PRKG1: variants seen among roughly 807,000 people sequenced by gnomAD.
The protein encoded by PRKG1 is protein kinase cGMP-dependent 1.
PRKG1 carries 35 observed loss-of-function variants against 88.1 expected under a neutral mutation model. The observed-to-expected ratio is 0.40, with a 90% CI of 0.30 to 0.53. The LOEUF is 0.53. Ranked by LOEUF, PRKG1 falls within the 20% of genes least tolerant of loss-of-function variation. PRKG1 has a pLI of 0.59. For missense variants in PRKG1, 540 were observed against 839.8 expected, an observed-to-expected ratio of 0.64 and a Z score of 4.41; for synonymous variants, 303 against 292.5, an observed-to-expected ratio of 1.04 and a Z score of -0.37.
At chr10:52,046,699 A>G (rs976210301) in intron 5 of PRKG1, 2 of 152,198 alleles carry the variant, frequency 1.3e-5, no homozygotes, top group African/African-American at 4.8e-5. Context: ...CTGTTTAATC[A>G]CAATGCTATG....
At chr10:51,950,345 A>G (rs1237031261) in intron 5 of PRKG1, among the ~76,000 whole-genome samples, 1 of 152,274 alleles carries the variant, frequency 6.6e-6, no homozygotes, top group Non-Finnish European at 1.5e-5. Context: ...ACTACAGATC[A>G]CCAAGTACAT....
At chr10:51,276,395 T>C (rs969797601) in intron 2 of PRKG1, among the ~76,000 whole-genome samples, 8 of 152,238 alleles carry the variant, frequency 5.3e-5, no homozygotes, top group Non-Finnish European at 1.0e-4. Flanking sequence ...TCCAAGTCTT[T>C]ACTATTGTGA....
At chr10:51,236,759 C>T (rs1839003884) in intron 2 of PRKG1, among the ~76,000 whole-genome samples, 3 of 152,148 alleles carry the variant, frequency 2.0e-5, no homozygotes, top group Admixed American at 2.0e-4. Flanking sequence ...CCACCTCAGC[C>T]TCCCAAAGTG....
At chr10:51,620,108 T>C (rs556042651) in intron 3 of PRKG1, among the ~76,000 whole-genome samples, 1 of 152,264 alleles carries the variant, frequency 6.6e-6, no homozygotes, top group African/African-American at 2.4e-5. Context: ...CAAACACTAA[T>C]ATATTTAATT....
At chr10:51,429,237 A>C (rs924155184) in intron 2 of PRKG1, among the ~76,000 whole-genome samples, 1 of 152,236 alleles carries the variant, frequency 6.6e-6, no homozygotes, top group African/African-American at 2.4e-5. Context: ...GCCAAATTTT[A>C]AAATAAAAAT....
intron 2 of PRKG1, among the ~76,000 whole-genome samples, chr10:51,428,806 C>A (rs1175675583): frequency 6.6e-6 from 1 of 152,136 alleles, no homozygotes; most frequent in Non-Finnish European, 1.5e-5. Flanking sequence ...GGTGACAAAC[C>A]AACAGACTAG....
chr10:51,564,293 A>G (rs1837545452), intron 3 of PRKG1, among the ~76,000 whole-genome samples: 1 of 152,130 alleles, frequency 6.6e-6, no homozygotes, highest in African/African-American at 2.4e-5. Flanking sequence ...TTGATAAAAT[A>G]TATAAGGAGA....
At chr10:51,908,733 A>ATCTATCTATCTATCTATCTAT (rs60587885) in intron 5 of PRKG1, 50 of 131,714 alleles carry the variant, frequency 3.8e-4, no homozygotes, top group African/African-American at 1.3e-3. Flanking sequence ...ATCTATATGT[A>ATCTATCTATCTATCTATCTAT]ATTTTTTTTT....
intron 2 of PRKG1, among the ~76,000 whole-genome samples, chr10:51,163,244 C>G (rs1846414595): frequency 6.6e-6 from 1 of 152,146 alleles, no homozygotes; most frequent in African/African-American, 2.4e-5. Context: ...TGTAGTTGAA[C>G]AAGAACAGTT....
intron 3 of PRKG1, among the ~76,000 whole-genome samples, chr10:51,694,986 T>C (rs966644396): frequency 6.6e-6 from 1 of 152,158 alleles, no homozygotes; most frequent in East Asian, 1.9e-4. Flanking sequence ...TTGTTATAGC[T>C]CATTTGTTCT....
At chr10:51,521,176 A>G (rs1391103335) in intron 3 of PRKG1, among the ~76,000 whole-genome samples, 1 of 152,144 alleles carries the variant, frequency 6.6e-6, no homozygotes, top group East Asian at 1.9e-4. Flanking sequence ...AGTCCCAGCT[A>G]CTCAAGGAGG....
chr10:51,407,321 T>A (rs1249728198), intron 2 of PRKG1, among the ~76,000 whole-genome samples: 1 of 152,286 alleles, frequency 6.6e-6, no homozygotes, highest in East Asian at 1.9e-4. Context: ...ATTACACTTA[T>A]CATAAAACAA....
At chr10:52,208,327 C>T (rs1055171120) in intron 9 of PRKG1, among the ~76,000 whole-genome samples, 1 of 152,154 alleles carries the variant, frequency 6.6e-6, no homozygotes, top group Non-Finnish European at 1.5e-5. Context: ...TAACCATGGG[C>T]TATGAAACAT....
intron 2 of PRKG1, among the ~76,000 whole-genome samples, chr10:51,224,195 A>G (rs1187985531): frequency 6.6e-6 from 1 of 152,204 alleles, no homozygotes; most frequent in Non-Finnish European, 1.5e-5. Context: ...ACACACTGGA[A>G]AAGTTAACGT....
chr10:52,144,184 AC>A (rs1349646028), intron 8 of PRKG1, among the ~76,000 whole-genome samples: 2 of 152,118 alleles, frequency 1.3e-5, no homozygotes, highest in African/African-American at 2.4e-5. Context: ...ATTTAGAAAG[AC>A]CTTTGTACAG....
rs1842515039 is a variant in PRKG1, at chr10:51,549,116, TTTTC to T, written c.592+81284_592+81287del. Among the ~76,000 whole-genome samples the T allele has an allele frequency of 3.5e-5, 4 of 113,472 alleles. No individual in the cohort carries two copies. The Admixed American group carries it at 3.7e-4, about 11-fold the overall frequency. 74.4% of individuals were successfully genotyped at this position (113,472 alleles called of 152,430 possible). On this transcript the variant is annotated intron_variant, in intron 3 of 17. Coordinates refer to ENST00000373980, the MANE Select transcript of PRKG1 (RefSeq NM_006258.4). The stretch of plus-strand genomic sequence containing the variant: ...TTCCTTCTTTCCTTTCTTTCTTTTC[TTTTC>T]TTTTTTTTTTTTTTTTTTTTTGAGA...
intron 2 of PRKG1, among the ~76,000 whole-genome samples, chr10:51,456,829 G>GA (rs1839599606): frequency 6.6e-6 from 1 of 152,126 alleles, no homozygotes; most frequent in South Asian, 2.1e-4. Flanking sequence ...CAACAAACAT[G>GA]AAAAAATGCT....
In PRKG1 at chr10:51,731,277, A is replaced by G. The variant is rs114686912; in HGVS notation, c.593-73308A>G. Among the ~76,000 whole-genome samples the G allele has an allele frequency of 9.9e-3, 1,501 of 152,322 alleles. 19 individuals carry two copies. The highest frequency in any genetic ancestry group is 0.034 in the African/African-American group (1,396 of 41,564). On this transcript the variant is annotated intron_variant, in intron 3 of 17. Transcript: ENST00000373980. ...TCCCAAAGTAATAACATTAGCAGAA[A>G]TGGGGGATTTCAAGTTTGGGAATAA...
At chr10:52,031,169 C>T (rs934053592) in intron 5 of PRKG1, among the ~76,000 whole-genome samples, 11 of 152,090 alleles carry the variant, frequency 7.2e-5, no homozygotes, top group Non-Finnish European at 1.5e-4. Context: ...TTTATTCCAA[C>T]GCTGTTGCCT....
Sources: gnomAD v4.1 joint callset for allele counts (sites outside exome capture counted in the v4.1 genomes callset) on GRCh38, gnomAD v4.1.1 for gene constraint, MANE v1.5 for transcripts, NCBI Gene and HGNC (gene_info 2026-07-23, HGNC 2026-07-21) for gene names.